The following ABCA4 variants were observed in gnomAD, a reference collection of about 807,000 sequenced individuals.
ABCA4 encodes retinal-specific phospholipid-transporting ATPase ABCA4.
ABCA4 carries 196 observed loss-of-function variants against 263.7 expected under a neutral mutation model. That is an observed-to-expected ratio of 0.74 (90% CI 0.66 to 0.84). ABCA4 has a LOEUF of 0.84. Among genes scored for constraint, ABCA4 ranks in the 40% least tolerant of loss-of-function variants. The probability of loss-of-function intolerance (pLI) is 0.00; values close to 1 mark genes in which losing one functional copy is unlikely to be tolerated. For synonymous variants in ABCA4, 1,133 were observed against 1,094.2 expected (o/e 1.04, Z -0.70); for missense variants, 2,792 against 2,855.1 (o/e 0.98, Z 0.50).
chr1:94,063,107 A>G lies in ABCA4; in HGVS notation c.1760+5T>C. ...AAATGCAGCGAGCCCTTCCTGAAAC[A>G]TCACCTGTCTTTAATCTTATTGGTT... is the stretch of plus-strand genomic sequence containing the variant. On this transcript the variant is annotated splice_donor_5th_base_variant and intron_variant, in intron 12 of 49. Transcript: ENST00000370225. 2 of 1,612,064 alleles carry G rather than the reference A, an allele frequency of 1.2e-6. No homozygotes were observed. Among genetic ancestry groups the G allele is most frequent in the Non-Finnish European group, 1.7e-6 (2 of 1,178,612 alleles).
intron 24 of ABCA4, among the ~76,000 whole-genome samples, chr1:94,038,495 C>T (rs1230884370): frequency 1.3e-5 from 2 of 152,172 alleles, no homozygotes; most frequent in Non-Finnish European, 2.9e-5. Flanking sequence ...GAAGGGATTT[C>T]ATGGTTTTCA....
chr1:94,115,585 C>T (rs1430624443), intron 1 of ABCA4, among the ~76,000 whole-genome samples: 14 of 152,270 alleles, frequency 9.2e-5, no homozygotes, highest in African/African-American at 2.9e-4. Context: ...TCAACTCTTC[C>T]GTGCCAAATG....
intron 4 of ABCA4, 36 bp from the exon 5 acceptor site, chr1:94,103,178 G>A (rs1239400998): frequency 6.2e-7 from 1 of 1,611,764 alleles, no homozygotes; most frequent in South Asian, 1.1e-5. Context: ...GGGTGTTGAA[G>A]GGGAAATGGG....
At chr1:94,120,891 CACCACCCTA>C in intron 1 of ABCA4, 80 bp downstream of exon 1, 11 of 585,012 alleles carry the variant, frequency 1.9e-5, no homozygotes, top group Admixed American at 7.1e-5. Flanking sequence ...CACCCTGCCC[CACCACCCTA>C]CCCCACCACC....
intron 4 of ABCA4, among the ~76,000 whole-genome samples, chr1:94,107,435 C>T (rs1342103168): frequency 6.6e-6 from 1 of 152,246 alleles, no homozygotes; most frequent in Non-Finnish European, 1.5e-5. Context: ...TGTCCAGTCC[C>T]TCTAGCCATC....
intron 30 of ABCA4, among the ~76,000 whole-genome samples, chr1:94,026,922 G>A (rs990283669): frequency 1.3e-5 from 2 of 152,120 alleles, no homozygotes; most frequent in African/African-American, 4.8e-5. Context: ...GTGGGTTTGT[G>A]AGTGTGTGTG....
chr1:94,112,096 G>C (rs532942699), intron 2 of ABCA4, among the ~76,000 whole-genome samples: 94 of 152,302 alleles, frequency 6.2e-4, no homozygotes, highest in Non-Finnish European at 1.2e-3. Flanking sequence ...TGAAGATCAA[G>C]AATAGAGGAC....
At chr1:94,114,457 G>A (rs916650145) in intron 1 of ABCA4, among the ~76,000 whole-genome samples, 3 of 151,924 alleles carry the variant, frequency 2.0e-5, no homozygotes, top group African/African-American at 7.3e-5. Flanking sequence ...CACACAATAT[G>A]GGAAGAAAAG....
At chr1:94,008,901 C>T in intron 40 of ABCA4, 30 bp from the exon 41 acceptor site, 1 of 1,608,944 alleles carries the variant, frequency 6.2e-7, no homozygotes, top group African/African-American at 1.3e-5. Flanking sequence ...CAGGATTGGG[C>T]TGGCTGTACA....
At chr1:94,039,914 A>T (rs1346414939) in intron 24 of ABCA4, 129 bp downstream of exon 24, 1 of 787,852 alleles carries the variant, frequency 1.3e-6, no homozygotes, top group East Asian at 2.7e-5. Context: ...CAAAAGAACA[A>T]CTGTGTGACC....
intron 4 of ABCA4, among the ~76,000 whole-genome samples, chr1:94,106,011 C>T (rs538328249): frequency 5.7e-4 from 87 of 152,360 alleles, no homozygotes; most frequent in African/African-American, 1.9e-3. Context: ...CTGAAACAGC[C>T]TGTGTTCCTG....
At chr1:94,051,756 C>T (rs1660848832) in intron 16 of ABCA4, 58 bp from the exon 17 acceptor site, 5 of 1,301,000 alleles carry the variant, frequency 3.8e-6, no homozygotes, top group Non-Finnish European at 5.6e-6. Flanking sequence ...TCCTACCTTA[C>T]CGCAGTTCTA....
At chr1:94,014,186 GAAGGAAGA>G (rs1401816620) in intron 38 of ABCA4, among the ~76,000 whole-genome samples, 1 of 148,192 alleles carries the variant, frequency 6.7e-6, no homozygotes, top group Admixed American at 6.7e-5. Context: ...AGGAAGGAAA[GAAGGAAGA>G]AAGAAGGAAG....
At chr1:94,004,277 A>C (rs1056226348) in intron 44 of ABCA4, among the ~76,000 whole-genome samples, 2 of 152,184 alleles carry the variant, frequency 1.3e-5, no homozygotes, top group African/African-American at 4.8e-5. Context: ...TCCGGTTCCT[A>C]TCCATGACCT....
At chr1:94,070,197 C>T (rs1661368586) in intron 11 of ABCA4, among the ~76,000 whole-genome samples, 1 of 152,256 alleles carries the variant, frequency 6.6e-6, no homozygotes, top group Non-Finnish European at 1.5e-5. Context: ...ATTTCAGCCA[C>T]ACCAGTGAAT....
chr1:94,077,785 G>A lies in ABCA4; in HGVS notation c.1459C>T (p.Arg487Trp), dbSNP rs369286283. The A allele has an allele frequency of 2.0e-5, 32 of 1,614,048 alleles. No individual in the cohort carries two copies. Among genetic ancestry groups the A allele is most frequent in the Middle Eastern group, 1.6e-4 (1 of 6,084 alleles). ...AILNFLYKGP[R>W]ESQADDMANF... ...GCCATGTCGTCAGCCTGGCTTTCCCGAGGGCCCTTGTAGAGGAAGTTTAGG... is the reference window on the plus strand; with the variant it reads ...GCCATGTCGTCAGCCTGGCTTTCCCAAGGGCCCTTGTAGAGGAAGTTTAGG... Residue 487 changes from arginine to tryptophan, a missense_variant, in exon 11 of 50, where the codon CGG becomes TGG. Coordinates refer to ENST00000370225, the MANE Select transcript of ABCA4 (RefSeq NM_000350.3).
intron 1 of ABCA4, among the ~76,000 whole-genome samples, chr1:94,120,693 G>T (rs2101190084): frequency 6.6e-6 from 1 of 151,796 alleles, no homozygotes; most frequent in South Asian, 2.1e-4. Context: ...GTAAAACGGG[G>T]GGTGGGGGAG....
chr1:94,007,723 T>G lies in ABCA4; in HGVS notation c.5916A>C (p.Gly1972=). Residue 1972 remains glycine, a synonymous_variant, in exon 43 of 50, where the codon GGA becomes GGC. Transcript: ENST00000370225. ...TGGTTGTTTTGCCGGCACCATTCAC[T>G]CCCAGGAGGCCAAAGCACTAGGAGA... ...VRPGECFGLL[G]VNGAGKTTTF... is the part of the protein sequence containing the mutation. The G allele has an allele frequency of 1.2e-6, 2 of 1,613,996 alleles. No individual in the cohort carries two copies. The highest frequency in any genetic ancestry group is 1.7e-6 in the Non-Finnish European group (2 of 1,180,012).
At position 94,077,742 on chromosome 1, in the gene ABCA4, T is replaced by A. The variant is rs768480888; in HGVS notation, c.1502A>T (p.Asp501Val). 1 of 1,614,152 alleles carries A rather than the reference T, an allele frequency of 6.2e-7. No individual in the cohort carries two copies. The highest frequency in any genetic ancestry group is 1.7e-5 in the Admixed American group (1 of 60,016). Residue 501 changes from aspartate to valine, a missense_variant, in exon 11 of 50, where the codon GAC (aspartate) becomes GTC (valine). Coordinates refer to ENST00000370225, the MANE Select transcript of ABCA4 (RefSeq NM_000350.3). ...ADDMANFDWR[D>V]IFNITDRTLR... Reference sequence around the variant, plus strand: ...GGTGCGATCAGTGATGTTAAATATGTCCCTCCAGTCGAAGTTGGCCATGTC... The same window carrying A: ...GGTGCGATCAGTGATGTTAAATATGACCCTCCAGTCGAAGTTGGCCATGTC...
Sources: allele counts gnomAD v4.1 joint callset (sites outside exome capture counted in the v4.1 genomes callset), GRCh38; gene constraint gnomAD v4.1.1; transcripts MANE v1.5; gene names NCBI Gene and HGNC (gene_info 2026-07-23, HGNC 2026-07-21).